The following POTEI variants were observed in gnomAD, a reference collection of about 807,000 sequenced individuals.
The protein encoded by POTEI is POTE ankyrin domain family, member I.
In POTEI, 14 loss-of-function variants were observed where a neutral mutation model predicts 43.4. The ratio of observed to expected loss-of-function variants is 0.32; its 90% CI spans 0.21 to 0.50. The LOEUF is 0.50. POTEI is among the 20% of genes least tolerant of loss of function. The pLI, the probability that POTEI is intolerant of heterozygous loss-of-function variation, is 0.98. For synonymous variants in POTEI, 95 were observed against 297.9 expected, an observed-to-expected ratio of 0.32 and a Z score of 7.01; for missense variants, 235 against 795.4, an observed-to-expected ratio of 0.30 and a Z score of 8.47.
chr2:130,467,779 A>G (rs538641973), intron 13 of POTEI, among the ~76,000 whole-genome samples: 16 of 151,588 alleles, frequency 1.1e-4, no homozygotes, highest in African/African-American at 3.9e-4. Flanking sequence ...AAACGCAAAT[A>G]ATTCCATTGG....
intron 1 of POTEI, among the ~76,000 whole-genome samples, chr2:130,507,347 T>A (rs1684208768): frequency 1.0e-5 from 1 of 97,356 alleles, no homozygotes; most frequent in Non-Finnish European, 2.1e-5. Flanking sequence ...CATATATATG[T>A]ATATATATAC....
chr2:130,474,787 TC>T, intron 12 of POTEI, 119 bp downstream of exon 12: 1 of 223,196 alleles, frequency 4.5e-6, no homozygotes, highest in Non-Finnish European at 7.8e-6. Flanking sequence ...ATTTAATTTT[TC>T]ACTGATGATT....
intron 10 of POTEI, among the ~76,000 whole-genome samples, chr2:130,479,343 T>C (rs530494965): frequency 6.8e-6 from 1 of 147,264 alleles, no homozygotes; most frequent in Admixed American, 6.8e-5. Context: ...GTAACTGAGA[T>C]TTCTAACATT....
chr2:130,477,027 A>G, intron 10 of POTEI, among the ~76,000 whole-genome samples: 1 of 147,810 alleles, frequency 6.8e-6, no homozygotes, highest in Non-Finnish European at 1.5e-5. Flanking sequence ...ACTGTTCTCC[A>G]CTTCCTAATA....
rs1257670112 is a variant in POTEI, at chr2:130,495,314, CCTGT to C, written c.1126+1234_1126+1237del. Reference sequence around the variant, plus strand: ...AAAATGGCAATGATAAGAAAAAGCTCCTGTCTGTATTTTTAATTGTCTGTGGTCT... The same window carrying C: ...AAAATGGCAATGATAAGAAAAAGCTCCTGTATTTTTAATTGTCTGTGGTCT... On this transcript the variant is annotated intron_variant, in intron 6 of 14. Transcript: ENST00000451531. Among the ~76,000 whole-genome samples, 2 of 46,682 alleles carry C rather than the reference CCTGT, an allele frequency of 4.3e-5. 1 individual carries two copies. The highest frequency in any genetic ancestry group is 1.1e-4 in the Non-Finnish European group (2 of 18,660). The allele number at this position is 46,682 out of a possible 152,430, so 30.6% of individuals were successfully genotyped here. A position where few individuals can be genotyped will look rare whatever the true frequency, so the allele number is the denominator to read the frequency against.
At chr2:130,486,961 G>A (rs1157003105) in intron 9 of POTEI, among the ~76,000 whole-genome samples, 3 of 97,816 alleles carry the variant, frequency 3.1e-5, no homozygotes, top group Admixed American at 1.1e-4. Context: ...TCAGATTGAG[G>A]GTCCAATATT....
chr2:130,501,455 GAC>G (rs1182117716), intron 3 of POTEI, among the ~76,000 whole-genome samples: 6 of 2,592 alleles, frequency 2.3e-3, no homozygotes, highest in Admixed American at 0.014. Context: ...TGAACAAAGA[GAC>G]ACAAAATCCT....
chr2:130,507,313 TATATACACACAC>T (rs200916267), intron 1 of POTEI, among the ~76,000 whole-genome samples: 912 of 8,520 alleles, frequency 0.11, 37 homozygotes, highest in Middle Eastern at 0.38. Context: ...TATATATATA[TATATACACACAC>T]ACACACACAC....
Position 130,484,185 on chromosome 2 carries a change from C to T in POTEI, c.1410-2112G>A, listed in dbSNP as rs551618282. Among the ~76,000 whole-genome samples the T allele has an allele frequency of 3.7e-3, 554 of 149,894 alleles. 2 individuals are homozygous for T. Among genetic ancestry groups the T allele is most frequent in the Non-Finnish European group, 6.1e-3 (410 of 67,650 alleles). Reference sequence around the variant, plus strand: ...GAAAGTTGAGATGGCCAGAAGAGTCCCTGCTGAGAAAGGGTTTTTTTTTTC... The same window carrying T: ...GAAAGTTGAGATGGCCAGAAGAGTCTCTGCTGAGAAAGGGTTTTTTTTTTC... On this transcript the variant is annotated intron_variant, in intron 9 of 14. Transcript: ENST00000451531.
intron 13 of POTEI, 131 bp downstream of exon 13, chr2:130,474,247 T>G (rs1683110616): frequency 1.9e-6 from 1 of 522,086 alleles, no homozygotes; most frequent in African/African-American, 1.9e-5. Context: ...TGATTTTCAT[T>G]TTTCTGATTA....
intron 13 of POTEI, among the ~76,000 whole-genome samples, chr2:130,468,568 AACTC>A (rs1481929967): frequency 2.6e-5 from 4 of 151,784 alleles, no homozygotes; most frequent in South Asian, 2.1e-4. Flanking sequence ...CTCTTGTGAG[AACTC>A]ACTCACTATC....
intron 9 of POTEI, among the ~76,000 whole-genome samples, chr2:130,483,950 A>G (rs1156549742): frequency 6.6e-6 from 1 of 150,504 alleles, no homozygotes; most frequent in African/African-American, 2.5e-5. Context: ...TCACTTATTT[A>G]ACAAGTATTT....
At chr2:130,500,341 TATA>T (rs1223758776) in intron 4 of POTEI, among the ~76,000 whole-genome samples, 192 bp downstream of exon 4, 1 of 149,398 alleles carries the variant, frequency 6.7e-6, no homozygotes, top group African/African-American at 2.4e-5. Flanking sequence ...CATCAGTCAA[TATA>T]ATGAGAAGAC....
Position 130,508,847 on chromosome 2 carries a change from T to C in POTEI, c.389A>G (p.Glu130Gly), listed in dbSNP as rs1020157112. The C allele has an allele frequency of 1.3e-6, 2 of 1,562,308 alleles. No individual in the cohort carries two copies. The highest frequency in any genetic ancestry group is 3.6e-5 in the Admixed American group (2 of 54,858). ...TTCTCGACGGACGTGGTATCTCGGCTCCACGAAGGCGCTGTCGTCGTAGTC... is the reference window on the plus strand; with the variant it reads ...TTCTCGACGGACGTGGTATCTCGGCCCCACGAAGGCGCTGTCGTCGTAGTC... ...WGDYDDSAFV[E>G]PRYHVRREDL... The change falls in exon 1 of 15, where the codon GAG becomes GGG. Residue 130 changes from glutamate to glycine, a missense_variant. Glu to Gly is a moderately conservative substitution (Grantham distance 98). Transcript: ENST00000451531.
chr2:130,509,035 G>C lies in POTEI; in HGVS notation c.201C>G (p.His67Gln), dbSNP rs1414165759. 6.6e-7 allele frequency: 1 copy of C among 1,518,352 alleles called. No individual in the cohort carries two copies. The highest frequency in any genetic ancestry group is 9.0e-7 in the Non-Finnish European group (1 of 1,108,228). 94.1% of individuals were successfully genotyped at this position (1,518,352 alleles called of 1,614,324 possible). ...LRSKMGKWCC[H>Q]CFPCCRGSGK... ...CACTCCCCCTGCAGCAGGGGAAGCA[G>C]TGGCAGCACCACTTGCCCATCTTGC... The change falls in exon 1 of 15, where the codon CAC becomes CAG. Residue 67 changes from histidine (H) to glutamine (Q), a missense_variant. Transcript: ENST00000451531.
intron 13 of POTEI, among the ~76,000 whole-genome samples, chr2:130,470,560 A>C (rs1204881215): frequency 0.029 from 196 of 6,856 alleles, 14 homozygotes; most frequent in Non-Finnish European, 0.053. Context: ...TTTCATTGAA[A>C]CTTCCCTCAA....
intron 1 of POTEI, among the ~76,000 whole-genome samples, chr2:130,507,368 A>G (rs1262864640): frequency 2.0e-4 from 3 of 14,638 alleles, no homozygotes; most frequent in African/African-American, 3.3e-4. Context: ...ACACACATAT[A>G]TATGTATATA....
At chr2:130,468,764 G>C (rs1311531767) in intron 13 of POTEI, among the ~76,000 whole-genome samples, 1 of 151,804 alleles carries the variant, frequency 6.6e-6, no homozygotes, top group Admixed American at 6.6e-5. Context: ...ATTCAAAATA[G>C]CAATTTTTAT....
At chr2:130,472,106 C>G (rs1387206833) in intron 13 of POTEI, among the ~76,000 whole-genome samples, 5 of 141,096 alleles carry the variant, frequency 3.5e-5, no homozygotes, top group African/African-American at 1.3e-4. Context: ...ATATTGCTGA[C>G]AGATTAAATG....
Sources: allele counts gnomAD v4.1 joint callset (sites outside exome capture counted in the v4.1 genomes callset), GRCh38; gene constraint gnomAD v4.1.1; transcripts MANE v1.5; gene names NCBI Gene and HGNC (gene_info 2026-07-23, HGNC 2026-07-21).